Variants in FAM83B observed in about 807,000 individuals in gnomAD.
FAM83B encodes the protein scaffolding CK1 anchoring protein B, also known as protein FAM83B.
A neutral mutation model predicts 38.8 loss-of-function variants in FAM83B; 26 were observed. That is an observed-to-expected ratio of 0.67 (90% CI 0.49 to 0.93). The LOEUF is 0.93. Ranked by LOEUF, FAM83B falls within the 40% of genes least tolerant of loss-of-function variation. The probability of loss-of-function intolerance (pLI) is 0.00; values close to 1 mark genes in which losing one functional copy is unlikely to be tolerated. For missense variants in FAM83B, 1,237 were observed against 1,197.3 expected (o/e 1.03, Z -0.49); for synonymous variants, 419 against 423.1 (o/e 0.99, Z 0.12).
rs1771822487 is a variant in FAM83B, at chr6:54,870,491, C to G, written c.245C>G (p.Ser82Cys). 1 of 1,613,774 alleles carries G rather than the reference C, an allele frequency of 6.2e-7. No individual in the cohort carries two copies. Among genetic ancestry groups the G allele is most frequent in the Non-Finnish European group, 8.5e-7 (1 of 1,179,914 alleles). ...AQSTAHGTDD[S>C]CDDTLSSGTY... The stretch of plus-strand genomic sequence containing the variant: ...AGCACAGCACATGGTACTGATGATT[C>G]CTGTGATGATACCTTATCTTCAGGG... The change falls in exon 2 of 5, where the codon TCC becomes TGC. Residue 82 changes from serine to cysteine, a missense_variant. Transcript: ENST00000306858.
intron 2 of FAM83B, among the ~76,000 whole-genome samples, chr6:54,876,212 A>T (rs972691453): frequency 3.3e-5 from 5 of 149,802 alleles, no homozygotes; most frequent in Admixed American, 2.7e-4. Flanking sequence ...TGCATTGCTA[A>T]TACTAACCAA....
At chr6:54,904,865 A>T (rs1022760376) in intron 2 of FAM83B, among the ~76,000 whole-genome samples, 3 of 152,192 alleles carry the variant, frequency 2.0e-5, no homozygotes, top group East Asian at 3.8e-4. Flanking sequence ...GAAAAAATAT[A>T]TTCTGTGGAG....
chr6:54,932,842 T>G (rs1294313016), intron 4 of FAM83B, among the ~76,000 whole-genome samples: 2 of 152,172 alleles, frequency 1.3e-5, no homozygotes, highest in Non-Finnish European at 2.9e-5. Context: ...TAATGGAAGC[T>G]CCCTTGTATG....
chr6:54,919,548 T>G (rs2127586766), intron 2 of FAM83B, among the ~76,000 whole-genome samples: 1 of 152,204 alleles, frequency 6.6e-6, no homozygotes, highest in East Asian at 1.9e-4. Context: ...TGTAAAAGGC[T>G]ATGTACAATG....
intron 2 of FAM83B, among the ~76,000 whole-genome samples, chr6:54,904,241 AATG>A (rs1262227873): frequency 5.3e-5 from 8 of 152,172 alleles, no homozygotes; most frequent in African/African-American, 1.9e-4. Context: ...GTTGCTAGAG[AATG>A]ATGATCAGTA....
chr6:54,880,795 A>C (rs892376233), intron 2 of FAM83B, among the ~76,000 whole-genome samples: 2 of 152,168 alleles, frequency 1.3e-5, no homozygotes, highest in Non-Finnish European at 2.9e-5. Flanking sequence ...GTCAATATGG[A>C]AAAATTCAAG....
intron 4 of FAM83B, among the ~76,000 whole-genome samples, chr6:54,935,153 C>G (rs532774104): frequency 1.3e-5 from 2 of 152,046 alleles, no homozygotes; most frequent in South Asian, 4.1e-4. Context: ...ACTAATAGTT[C>G]ATTTATATTA....
In FAM83B at chr6:54,915,812, C is replaced by CAAAA. The variant is rs58597609; in HGVS notation, c.445-10537_445-10534dup. On this transcript the variant is annotated intron_variant, in intron 2 of 4. Coordinates refer to ENST00000306858, the MANE Select transcript of FAM83B (RefSeq NM_001010872.3). ...TGGGCGACAGAGCGAGACTCCGTCT[C>CAAAA]AAAAAAAAAAAAAAAAAAAAAAAAA... 1.1e-3 allele frequency among the ~76,000 whole-genome samples: 19 copies of CAAAA among 18,018 alleles called. 2 individuals are homozygous for CAAAA. The highest frequency in any genetic ancestry group is 2.4e-3 in the African/African-American group (10 of 4,250). The allele number at this position is 18,018 out of a possible 152,430, so 11.8% of individuals were successfully genotyped here.
chr6:54,887,415 G>A lies in FAM83B; in HGVS notation c.444+16725G>A, dbSNP rs182062045. 2.5e-3 allele frequency among the ~76,000 whole-genome samples: 379 copies of A among 152,322 alleles called. 2 individuals are homozygous for A. The highest frequency in any genetic ancestry group is 8.6e-3 in the African/African-American group (359 of 41,578). On this transcript the variant is annotated intron_variant, in intron 2 of 4. Transcript: ENST00000306858. ...ACAGAGGTCCTGGAACTGGAACTGT[G>A]TATTCCGAGGGATGACTCTATTATA...
intron 3 of FAM83B, 116 bp downstream of exon 3, chr6:54,926,651 A>G (rs1380957095): frequency 8.2e-6 from 6 of 731,730 alleles, no homozygotes; most frequent in Non-Finnish European, 1.3e-5. Context: ...AAAAATACGT[A>G]TTTAAGGTTA....
intron 2 of FAM83B, among the ~76,000 whole-genome samples, chr6:54,879,013 G>T (rs984409403): frequency 6.6e-6 from 1 of 152,198 alleles, no homozygotes; most frequent in African/African-American, 2.4e-5. Flanking sequence ...TGCCTGAGCA[G>T]TTGGAGTGAT....
intron 1 of FAM83B, among the ~76,000 whole-genome samples, chr6:54,853,904 A>C (rs1281781022): frequency 2.0e-5 from 3 of 152,250 alleles, no homozygotes; most frequent in Admixed American, 2.0e-4. Flanking sequence ...ACCATTCTAC[A>C]TGCCATTAAG....
chr6:54,904,417 T>C (rs1389646115), intron 2 of FAM83B, among the ~76,000 whole-genome samples: 1 of 152,196 alleles, frequency 6.6e-6, no homozygotes, highest in African/African-American at 2.4e-5. Flanking sequence ...AGATTAAATA[T>C]TGTTCTAAAC....
At chr6:54,876,515 G>C (rs555996578) in intron 2 of FAM83B, among the ~76,000 whole-genome samples, 3 of 151,340 alleles carry the variant, frequency 2.0e-5, no homozygotes, top group East Asian at 1.9e-4. Context: ...AGTAGAGACA[G>C]GGTTTCGTCA....
At chr6:54,916,937 T>A (rs1447309529) in intron 2 of FAM83B, among the ~76,000 whole-genome samples, 1 of 152,198 alleles carries the variant, frequency 6.6e-6, no homozygotes, top group Admixed American at 6.5e-5. Flanking sequence ...GCCAGTGCTT[T>A]CATTTGTTGA....
chr6:54,911,628 G>A (rs1233025738), intron 2 of FAM83B, among the ~76,000 whole-genome samples: 1 of 151,944 alleles, frequency 6.6e-6, no homozygotes, highest in Non-Finnish European at 1.5e-5. Context: ...CTTAAGGTTA[G>A]ATTTTTTACT....
chr6:54,897,238 A>AAAAC (rs2127581528), intron 2 of FAM83B, among the ~76,000 whole-genome samples: 1 of 152,030 alleles, frequency 6.6e-6, no homozygotes, highest in South Asian at 2.1e-4. Context: ...AAAAAAAAAA[A>AAAAC]ACCATCTGGA....
At chr6:54,846,637 C>T (rs994050510), upstream of FAM83B, 9 of 152,310 alleles carry the variant, frequency 5.9e-5, no homozygotes, top group Admixed American at 5.2e-4. Flanking sequence ...CTCCCGCCCC[C>T]TCCAGCGCTG....
intron 2 of FAM83B, among the ~76,000 whole-genome samples, chr6:54,895,504 A>G (rs1451679468): frequency 6.6e-6 from 1 of 152,210 alleles, no homozygotes; most frequent in African/African-American, 2.4e-5. Flanking sequence ...TCTTTTAAGC[A>G]ATATTACTTT....
Sources: allele counts gnomAD v4.1 joint callset (sites outside exome capture counted in the v4.1 genomes callset), GRCh38; gene constraint gnomAD v4.1.1; transcripts MANE v1.5; gene names NCBI Gene and HGNC (gene_info 2026-07-23, HGNC 2026-07-21).